The following ADGRV1 variants were observed in gnomAD, a reference collection of about 807,000 sequenced individuals.
ADGRV1 encodes the protein G-protein coupled receptor 98.
In ADGRV1, 359 loss-of-function variants were observed where a neutral mutation model predicts 596.2. That is an observed-to-expected ratio of 0.60 (90% confidence interval 0.55 to 0.66). The LOEUF is 0.66. Among genes scored for constraint, ADGRV1 ranks in the 30% least tolerant of loss-of-function variants. ADGRV1 has a pLI of 0.00. For synonymous variants in ADGRV1, 2,681 were observed against 2,679.2 expected (o/e 1.00, Z -0.02); for missense variants, 7,274 against 7,575.6 (o/e 0.96, Z 1.48).
At chr5:90,671,711 T>C (rs1772489618) in intron 21 of ADGRV1, among the ~76,000 whole-genome samples, 1 of 152,102 alleles carries the variant, frequency 6.6e-6, no homozygotes, top group African/African-American at 2.4e-5. Flanking sequence ...TTTTTATCTG[T>C]ATTCATTTTT....
chr5:90,937,331 C>T (rs1775778231), intron 83 of ADGRV1, among the ~76,000 whole-genome samples: 1 of 152,032 alleles, frequency 6.6e-6, no homozygotes, highest in South Asian at 2.1e-4. Context: ...TAATTTTAAG[C>T]CTTATCTTTC....
At chr5:90,729,546 G>C in intron 49 of ADGRV1, 96 bp from the exon 50 acceptor site, 3 of 954,380 alleles carry the variant, frequency 3.1e-6, no homozygotes, top group Non-Finnish European at 4.7e-6. Flanking sequence ...GAGGAAATTT[G>C]TTTCTTGATA....
At chr5:90,939,185 C>A (rs1039180627) in intron 83 of ADGRV1, among the ~76,000 whole-genome samples, 1 of 152,082 alleles carries the variant, frequency 6.6e-6, no homozygotes, top group Non-Finnish European at 1.5e-5. Context: ...TCAGTTTAAA[C>A]CTCAAAGTTA....
At chr5:90,667,774 A>G (rs1771696815) in intron 21 of ADGRV1, among the ~76,000 whole-genome samples, 1 of 152,170 alleles carries the variant, frequency 6.6e-6, no homozygotes, top group South Asian at 2.1e-4. Flanking sequence ...ATGGTGATGT[A>G]CAGATGGGTT....
intron 50 of ADGRV1, among the ~76,000 whole-genome samples, chr5:90,743,437 G>A (rs143830861): frequency 2.0e-5 from 3 of 150,556 alleles, no homozygotes; most frequent in Non-Finnish European, 4.4e-5. Context: ...TATTCTTGGT[G>A]CTATTTTAAT....
intron 1 of ADGRV1, among the ~76,000 whole-genome samples, chr5:90,610,913 T>C (rs750111689): frequency 6.6e-6 from 1 of 151,984 alleles, no homozygotes; most frequent in Non-Finnish European, 1.5e-5. Flanking sequence ...TTCCAGACTG[T>C]GGGAGAACTT....
At chr5:90,675,189 G>C (rs1034392570) in intron 23 of ADGRV1, 54 bp from the exon 24 acceptor site, 1 of 1,457,444 alleles carries the variant, frequency 6.9e-7, no homozygotes. Context: ...AATTGAATAA[G>C]AAATTCTTGC....
chr5:90,654,716 A>T (rs1449990663), intron 20 of ADGRV1: 1 of 152,162 alleles, frequency 6.6e-6, no homozygotes. Flanking sequence ...AACCTCTTAC[A>T]TTAGTTATTT....
Position 90,708,833 on chromosome 5 carries a change from A to G in ADGRV1, c.8748A>G (p.Leu2916=), listed in dbSNP as rs1377006531. Residue 2916 remains leucine, a synonymous_variant, in exon 39 of 90, where the codon CTA becomes CTG. Coordinates refer to ENST00000405460, the MANE Select transcript of ADGRV1 (RefSeq NM_032119.4). ...ITILEDDVPE[L]EEYFLVNLTY... Reference sequence around the variant, plus strand: ...TTTTTCAGGATGATGTACCAGAGCTAGAAGAATATTTCCTGGTGAATTTAA... The same window carrying G: ...TTTTTCAGGATGATGTACCAGAGCTGGAAGAATATTTCCTGGTGAATTTAA... 3.7e-6 allele frequency: 6 copies of G among 1,610,046 alleles called. No individual in the cohort carries two copies. The highest frequency in any genetic ancestry group is 3.4e-6 in the Non-Finnish European group (4 of 1,176,996).
chr5:90,728,753 G>C lies in ADGRV1; in HGVS notation c.10246G>C (p.Gly3416Arg), dbSNP rs1407516591. 1 of 1,613,892 alleles carries C rather than the reference G, an allele frequency of 6.2e-7. No individual in the cohort carries two copies. The highest frequency in any genetic ancestry group is 2.2e-5 in the East Asian group (1 of 44,880). Residue 3416 changes from glycine (G) to arginine (R), a missense_variant, in exon 49 of 90, where the codon GGA becomes CGA. By Grantham distance (125) the Gly-to-Arg change is moderately radical. Around this residue, in one of 5 missense-constraint regions of ADGRV1, gnomAD observed 3,643 missense variants for 3,809.2 expected, o/e 0.96. Transcript: ENST00000405460. ...GCTGACCGTGGCCTTGTTCAACAAG[G>C]GAGGCTCTGTGTTCTTAGCCATTTC... The part of the protein sequence containing the change: ...GVLTVALFNK[G>R]GSVFLAISQA...
chr5:91,081,658 C>T (rs866672437), intron 86 of ADGRV1, among the ~76,000 whole-genome samples: 4 of 151,956 alleles, frequency 2.6e-5, no homozygotes, highest in Admixed American at 6.6e-5. Flanking sequence ...TGGTGGCAGA[C>T]GCCTGTAATC....
At chr5:90,968,779 A>C (rs1283363173) in intron 84 of ADGRV1, among the ~76,000 whole-genome samples, 1 of 152,176 alleles carries the variant, frequency 6.6e-6, no homozygotes, top group Non-Finnish European at 1.5e-5. Context: ...CAATCCTATT[A>C]GTTGAATTAG....
chr5:90,722,670 G>A lies in ADGRV1; in HGVS notation c.9748+1611G>A, dbSNP rs181692093. Among the ~76,000 whole-genome samples the A allele has an allele frequency of 6.8e-3, 805 of 118,304 alleles. 2 individuals are homozygous for A. Among genetic ancestry groups the A allele is most frequent in the African/African-American group, 0.024 (742 of 30,948 alleles). 77.6% of individuals were successfully genotyped at this position (118,304 alleles called of 152,430 possible). A position where few individuals can be genotyped will look rare whatever the true frequency, so the allele number is the denominator to read the frequency against. ...GTGGAGGATGCCGTGAGCCGAGATC[G>A]CACCATTGCACTCCAGCCTGGGCAA... On this transcript the variant is annotated intron_variant, in intron 45 of 89. Transcript: ENST00000405460.
chr5:91,095,149 A>G (rs1223101059), intron 86 of ADGRV1, among the ~76,000 whole-genome samples: 5 of 152,196 alleles, frequency 3.3e-5, no homozygotes, highest in African/African-American at 1.2e-4. Flanking sequence ...AGGGTTAGGA[A>G]TGCCAGCTAC....
intron 70 of ADGRV1, among the ~76,000 whole-genome samples, chr5:90,797,280 T>A (rs549631380): frequency 1.6e-3 from 41 of 26,426 alleles, no homozygotes; most frequent in Admixed American, 2.3e-3. Flanking sequence ...ACCAAGCAAA[T>A]GAAAAGCAAA....
intron 70 of ADGRV1, among the ~76,000 whole-genome samples, chr5:90,801,917 CA>C (rs1211690431): frequency 2.0e-5 from 3 of 152,080 alleles, no homozygotes; most frequent in Admixed American, 6.6e-5. Flanking sequence ...AAATATGTAA[CA>C]CATAGGATTA....
Position 90,711,007 on chromosome 5 carries a change from A to G in ADGRV1, c.8851A>G (p.Ile2951Val). ...TTCAGAAGGTTTGACTGCACAAGTT[A>G]TTATTGATGCCAATGATGGGGCCCG... ...LDSEGLTAQV[I>V]IDANDGARGV... Residue 2951 changes from isoleucine to valine, a missense_variant, in exon 40 of 90, where the codon ATT becomes GTT. Around this residue, in one of 5 missense-constraint regions of ADGRV1, gnomAD observed 3,643 missense variants for 3,809.2 expected, o/e 0.96. Transcript: ENST00000405460. 1 of 1,610,740 alleles carries G rather than the reference A, an allele frequency of 6.2e-7. No homozygotes were observed. Among genetic ancestry groups the G allele is most frequent in the African/African-American group, 1.3e-5 (1 of 74,980 alleles).
chr5:90,596,239 G>C (rs1352463112), intron 1 of ADGRV1, among the ~76,000 whole-genome samples: 40 of 151,444 alleles, frequency 2.6e-4, no homozygotes, highest in Non-Finnish European at 5.5e-4. Flanking sequence ...GATGGCGGCC[G>C]GGAAGAGGCG....
rs906281558 is a variant in ADGRV1, at chr5:91,075,566, A to C, written c.18310+2962A>C. On this transcript the variant is annotated intron_variant, in intron 86 of 89. Coordinates refer to ENST00000405460, the MANE Select transcript of ADGRV1 (RefSeq NM_032119.4). ...CTCTCTTGCAATAAAATGTGAATAG[A>C]AGCATTGCCCTATTGTTGTGTTACA... is the stretch of plus-strand genomic sequence containing the variant. Among the ~76,000 whole-genome samples, 23 of 152,146 alleles carry C rather than the reference A, an allele frequency of 1.5e-4. 1 individual carries two copies. The highest frequency in any genetic ancestry group is 5.1e-4 in the African/African-American group (21 of 41,428).
Sources: allele counts gnomAD v4.1 joint callset (sites outside exome capture counted in the v4.1 genomes callset), GRCh38; gene constraint gnomAD v4.1.1; regional missense constraint gnomAD v4.1.1; transcripts MANE v1.5; gene names NCBI Gene and HGNC (gene_info 2026-07-23, HGNC 2026-07-21).